The following FANCI variants were observed in gnomAD, a reference collection of about 807,000 sequenced individuals.
FANCI encodes FA complementation group I, also known as Fanconi anemia group I protein.
A neutral mutation model predicts 176.1 loss-of-function variants in FANCI; 156 were observed. That is an observed-to-expected ratio of 0.89 (90% CI 0.78 to 1.01). FANCI has a LOEUF of 1.01. Among genes scored for constraint, FANCI ranks in the 50% least tolerant of loss-of-function variants. The pLI, the probability that FANCI is intolerant of heterozygous loss-of-function variation, is 0.00. For synonymous variants in FANCI, 613 were observed against 541.7 expected (o/e 1.13, Z -1.83); for missense variants, 1,678 against 1,534.1 (o/e 1.09, Z -1.57).
At chr15:89,297,588 G>A (rs963119843) in intron 24 of FANCI, among the ~76,000 whole-genome samples, 20 of 152,120 alleles carry the variant, frequency 1.3e-4, no homozygotes, top group African/African-American at 4.6e-4. Context: ...GCGAAACCCC[G>A]TCTCCATCAA....
chr15:89,270,874 C>T (rs2053173667), intron 10 of FANCI, among the ~76,000 whole-genome samples: 1 of 152,144 alleles, frequency 6.6e-6, no homozygotes, highest in East Asian at 1.9e-4. Context: ...TGATGCTAGC[C>T]ATGTCTCTAA....
intron 9 of FANCI, among the ~76,000 whole-genome samples, chr15:89,266,328 A>AT (rs549962840): frequency 0.025 from 3,287 of 130,064 alleles, 44 homozygotes; most frequent in African/African-American, 0.042. Context: ...TGCCTGGCTA[A>AT]TTTTTTTTTT....
intron 23 of FANCI, among the ~76,000 whole-genome samples, chr15:89,294,545 A>AT (rs1236161012): frequency 6.6e-6 from 1 of 152,108 alleles, no homozygotes; most frequent in Non-Finnish European, 1.5e-5. Flanking sequence ...AGATCATGCC[A>AT]TTGCACTCCA....
chr15:89,295,888 T>G (rs10220817), intron 24 of FANCI, among the ~76,000 whole-genome samples: 5,904 of 152,012 alleles, frequency 0.039, 340 homozygotes, highest in African/African-American at 0.13. Context: ...GTCCTTCCAC[T>G]GCAGCTTTCT....
At chr15:89,286,970 C>T (rs151009764) in intron 18 of FANCI, among the ~76,000 whole-genome samples, 9 of 91,798 alleles carry the variant, frequency 9.8e-5, no homozygotes, top group African/African-American at 2.8e-4. Flanking sequence ...TGCTGCTTCA[C>T]CTTGCACTTT....
chr15:89,255,255 C>T (rs553235345), intron 2 of FANCI, among the ~76,000 whole-genome samples: 2 of 152,280 alleles, frequency 1.3e-5, no homozygotes, highest in African/African-American at 2.4e-5. Context: ...GTATCCCTGG[C>T]ATAAGGACCA....
At chr15:89,283,021 C>A in intron 16 of FANCI, 115 bp from the exon 17 acceptor site, 1 of 998,252 alleles carries the variant, frequency 1.0e-6, no homozygotes, top group Non-Finnish European at 1.6e-6. Context: ...TTTTGCTCTA[C>A]GCTTCATTGT....
intron 27 of FANCI, 106 bp downstream of exon 27, chr15:89,301,548 T>C: frequency 1.2e-6 from 1 of 847,392 alleles, no homozygotes; most frequent in East Asian, 2.4e-5. Flanking sequence ...GAGCTTATTT[T>C]ACATAATGTG....
At chr15:89,247,111 C>T (rs2052022480) in intron 1 of FANCI, among the ~76,000 whole-genome samples, 1 of 150,256 alleles carries the variant, frequency 6.7e-6, no homozygotes, top group Non-Finnish European at 1.5e-5. Context: ...TACCTTGTTG[C>T]CTAGGCTGGA....
At position 89,281,177 on chromosome 15, in the gene FANCI, T is replaced by C. The variant is rs2053601621; in HGVS notation, c.1389T>C (p.Leu463=). The change falls in exon 15 of 38, where the codon CTT becomes CTC. Residue 463 remains leucine, a synonymous_variant. Coordinates refer to ENST00000310775, the MANE Select transcript of FANCI (RefSeq NM_001113378.2). The part of the protein sequence containing the change: ...SSPISHFLDL[L]SNIVMYAPLV... ...ATAGATTCTGTTTTTCAGACCTGCT[T>C]TCAAATATCGTCATGTATGCACCCT... 6.2e-7 allele frequency: 1 copy of C among 1,613,536 alleles called. No individual in the cohort carries two copies. Among genetic ancestry groups the C allele is most frequent in the South Asian group, 1.1e-5 (1 of 91,070 alleles).
At chr15:89,297,408 G>A (rs1183472330) in intron 24 of FANCI, among the ~76,000 whole-genome samples, 2 of 152,090 alleles carry the variant, frequency 1.3e-5, no homozygotes, top group Admixed American at 1.3e-4. Flanking sequence ...GCCAAGGCAG[G>A]CGGCTGGGAG....
rs938225001 is a variant in FANCI, at chr15:89,268,324, G to A, written c.756-75G>A. On this transcript the variant is annotated intron_variant, in intron 9 of 37. Transcript: ENST00000310775. ...GGGATCAAGTGATGCGCCCGCCTTG[G>A]CCTCCCAAAGTGCTGGCATTACAGG... The A allele has an allele frequency of 1.6e-5, 24 of 1,545,320 alleles. No individual in the cohort carries two copies. In the African/African-American group the frequency reaches 3.3e-4, roughly 21 times the overall value.
intron 24 of FANCI, among the ~76,000 whole-genome samples, chr15:89,296,978 C>G (rs2054311423): frequency 6.6e-6 from 1 of 150,678 alleles, no homozygotes; most frequent in South Asian, 2.1e-4. Flanking sequence ...CTGACCCCCC[C>G]CACCTCCCTC....
chr15:89,308,911 G>C (rs1329325871), intron 34 of FANCI, among the ~76,000 whole-genome samples: 1 of 150,606 alleles, frequency 6.6e-6, no homozygotes, highest in Non-Finnish European at 1.5e-5. Flanking sequence ...GCACTGTTGT[G>C]CTCCAGCCTA....
intron 1 of FANCI, 43 bp from the exon 2 acceptor site, chr15:89,247,586 A>C (rs1006348454): frequency 7.3e-7 from 1 of 1,374,032 alleles, no homozygotes; most frequent in African/African-American, 1.4e-5. Flanking sequence ...AAGTTTGTTT[A>C]TTTCTGGAAT....
intron 34 of FANCI, among the ~76,000 whole-genome samples, chr15:89,311,379 A>T (rs532461060): frequency 1.3e-5 from 2 of 152,318 alleles, no homozygotes; most frequent in African/African-American, 4.8e-5. Context: ...AGATCGCACC[A>T]TTGTACTCCA....
chr15:89,261,869 G>A lies in FANCI; in HGVS notation c.494G>A (p.Cys165Tyr). The change falls in exon 6 of 38, where the codon TGT becomes TAT. Residue 165 changes from cysteine (C) to tyrosine (Y), a missense_variant. Around this residue, in one of 3 missense-constraint regions of FANCI, gnomAD observed 469 missense variants for 436.9 expected, o/e 1.07. Transcript: ENST00000310775. ...ECKKQLINTL[C>Y]SGRWDQQYVI... ...AAGAAACAGTTGATTAACACCCTGT[G>A]TTCTGGCAGGTGAGTCTTGTTAATA... is the stretch of plus-strand genomic sequence containing the variant. 1 of 1,613,948 alleles carries A rather than the reference G, an allele frequency of 6.2e-7. No homozygotes were observed. The highest frequency in any genetic ancestry group is 1.3e-5 in the African/African-American group (1 of 75,036).
Position 89,316,725 on chromosome 15 carries a change from A to C in FANCI, c.*266A>C. 6.3e-7 allele frequency: 1 copy of C among 1,584,742 alleles called. No homozygotes were observed. Among genetic ancestry groups the C allele is most frequent in the Non-Finnish European group, 8.7e-7 (1 of 1,153,182 alleles). ...CACCACCCCGATGAAGCTCCACGGG[A>C]GCAAATACAGAGCCTCCAGGCAGTG... On this transcript the variant is annotated 3_prime_UTR_variant, in exon 38 of 38. Transcript: ENST00000310775.
chr15:89,247,664 T>G lies in FANCI; in HGVS notation c.17T>G (p.Leu6Ter). The G allele has an allele frequency of 6.2e-7, 1 of 1,614,058 alleles. No individual in the cohort carries two copies. Among genetic ancestry groups the G allele is most frequent in the Non-Finnish European group, 8.5e-7 (1 of 1,179,960 alleles). ...TGAGCAACAATGGACCAGAAGATTT[T>G]ATCTCTAGCAGCAGAAAAAACAGCA... MDQKI[L>*]SLAAEKTADK... Residue 6 changes from leucine to a stop codon, truncating the protein, a stop_gained, in exon 2 of 38, where the codon TTA becomes TGA. Coordinates refer to ENST00000310775, the MANE Select transcript of FANCI (RefSeq NM_001113378.2). LOFTEE classifies it high-confidence loss of function.
Sources: gnomAD v4.1 joint callset for allele counts (sites outside exome capture counted in the v4.1 genomes callset) on GRCh38, gnomAD v4.1.1 for gene constraint, gnomAD v4.1.1 regional missense constraint, MANE v1.5 for transcripts, NCBI Gene and HGNC (gene_info 2026-07-23, HGNC 2026-07-21) for gene names.